The following SIPA1L1 variants were observed in gnomAD, a reference collection of about 807,000 sequenced individuals.
SIPA1L1 encodes signal-induced proliferation-associated 1-like protein 1.
Under a neutral mutation model 162.7 loss-of-function variants are expected in SIPA1L1, and 26 were observed. That is an observed-to-expected ratio of 0.16 (90% CI 0.12 to 0.22). The LOEUF (loss-of-function observed/expected upper bound fraction) is 0.22, where lower values mean the gene tolerates loss of function less well. Ranked by LOEUF, SIPA1L1 falls within the 10% of genes least tolerant of loss-of-function variation. The pLI, the probability that SIPA1L1 is intolerant of heterozygous loss-of-function variation, is 1.00. For synonymous variants in SIPA1L1, 829 were observed against 837.4 expected, an observed-to-expected ratio of 0.99 and a Z score of 0.17; for missense variants, 1,874 against 2,241.0, an observed-to-expected ratio of 0.84 and a Z score of 3.31.
intron 2 of SIPA1L1, among the ~76,000 whole-genome samples, chr14:71,450,840 A>G (rs1382489612): frequency 3.3e-5 from 5 of 152,220 alleles, no homozygotes; most frequent in Non-Finnish European, 5.9e-5. Context: ...GCAAAACAAT[A>G]TGGAGGTTCC....
intron 4 of SIPA1L1, among the ~76,000 whole-genome samples, chr14:71,544,688 A>T (rs986231909): frequency 6.6e-6 from 1 of 152,036 alleles, no homozygotes; most frequent in Non-Finnish European, 1.5e-5. Flanking sequence ...TCCTGTTTCT[A>T]TCTAGTACCA....
At chr14:71,510,201 T>TG (rs2051020238) in intron 2 of SIPA1L1, among the ~76,000 whole-genome samples, 2 of 147,470 alleles carry the variant, frequency 1.4e-5, no homozygotes, top group African/African-American at 5.0e-5. Flanking sequence ...TTTTTTTTTT[T>TG]GTGAGATGGA....
At chr14:71,702,610 A>G (rs1291493585) in intron 15 of SIPA1L1, 105 bp downstream of exon 15, 1 of 959,724 alleles carries the variant, frequency 1.0e-6, no homozygotes, top group Non-Finnish European at 1.5e-6. Flanking sequence ...GCCCTAGTTA[A>G]TAAATATGAA....
intron 2 of SIPA1L1, among the ~76,000 whole-genome samples, chr14:71,365,362 C>G (rs1259996222): frequency 1.3e-5 from 2 of 152,066 alleles, no homozygotes; most frequent in Non-Finnish European, 2.9e-5. Context: ...TGCTGTGCCC[C>G]ACTGTCGATA....
At chr14:71,469,982 G>A (rs1288592795) in intron 2 of SIPA1L1, among the ~76,000 whole-genome samples, 1 of 152,218 alleles carries the variant, frequency 6.6e-6, no homozygotes, top group Admixed American at 6.5e-5. Flanking sequence ...TGGGGCAGCA[G>A]CATTAGTTCG....
intron 5 of SIPA1L1, among the ~76,000 whole-genome samples, chr14:71,597,005 A>G (rs975013302): frequency 6.6e-6 from 1 of 151,962 alleles, no homozygotes; most frequent in African/African-American, 2.4e-5. Context: ...AGGGTCTTCC[A>G]CTGTCACAGG....
intron 2 of SIPA1L1, among the ~76,000 whole-genome samples, chr14:71,375,233 T>G (rs1300649542): frequency 6.6e-6 from 1 of 152,142 alleles, no homozygotes; most frequent in African/African-American, 2.4e-5. Flanking sequence ...GGGGATTCTC[T>G]TGGGCTTTTT....
intron 2 of SIPA1L1, among the ~76,000 whole-genome samples, chr14:71,433,095 C>G (rs1192628720): frequency 6.6e-6 from 1 of 152,106 alleles, no homozygotes; most frequent in Non-Finnish European, 1.5e-5. Context: ...TTACAGAGAT[C>G]AGGTGGTTTG....
intron 7 of SIPA1L1, among the ~76,000 whole-genome samples, chr14:71,645,334 T>TA (rs1312395144): frequency 1.3e-5 from 2 of 152,342 alleles, no homozygotes; most frequent in Non-Finnish European, 2.9e-5. Flanking sequence ...ATGCTCCCCT[T>TA]TACCATTAAC....
chr14:71,536,993 A>T (rs1160706144), intron 4 of SIPA1L1, among the ~76,000 whole-genome samples: 1 of 152,140 alleles, frequency 6.6e-6, no homozygotes, highest in Non-Finnish European at 1.5e-5. Context: ...CATATGCAAT[A>T]GTTCTGAACT....
intron 2 of SIPA1L1, chr14:71,503,775 A>G (rs1324899400): frequency 6.6e-6 from 1 of 151,980 alleles, no homozygotes; most frequent in Non-Finnish European, 1.5e-5. Context: ...AGTGATAGTT[A>G]CTTATCTAGT....
intron 4 of SIPA1L1, among the ~76,000 whole-genome samples, chr14:71,541,605 A>G (rs1595986987): frequency 3.9e-5 from 6 of 152,234 alleles, no homozygotes; most frequent in Admixed American, 3.9e-4. Flanking sequence ...CTACATAAAT[A>G]AGAATTAAAA....
chr14:71,451,697 T>C (rs189046150), intron 2 of SIPA1L1, among the ~76,000 whole-genome samples: 4 of 151,352 alleles, frequency 2.6e-5, no homozygotes, highest in Admixed American at 2.0e-4. Context: ...TTAATGACTG[T>C]GTACTACATT....
intron 2 of SIPA1L1, among the ~76,000 whole-genome samples, chr14:71,504,491 C>T (rs564231819): frequency 2.6e-5 from 4 of 151,842 alleles, no homozygotes; most frequent in Non-Finnish European, 4.4e-5. Flanking sequence ...TATAGTAACA[C>T]GTGAGGGAAG....
chr14:71,715,725 A>T (rs2083219297), intron 17 of SIPA1L1, among the ~76,000 whole-genome samples: 2 of 152,178 alleles, frequency 1.3e-5, no homozygotes, highest in Non-Finnish European at 2.9e-5. Context: ...ACAATTTTCT[A>T]GTGACTTTTC....
At chr14:71,663,834 G>T (rs912280234) in intron 10 of SIPA1L1, among the ~76,000 whole-genome samples, 4 of 152,176 alleles carry the variant, frequency 2.6e-5, no homozygotes, top group African/African-American at 4.8e-5. Context: ...TAGTTACCAG[G>T]CTTGTTTGAA....
chr14:71,450,440 G>A (rs781252680), intron 2 of SIPA1L1, among the ~76,000 whole-genome samples: 10 of 152,146 alleles, frequency 6.6e-5, no homozygotes, highest in Non-Finnish European at 1.3e-4. Flanking sequence ...ATTCTGGGTA[G>A]CCAAACTTTC....
intron 13 of SIPA1L1, among the ~76,000 whole-genome samples, chr14:71,698,645 G>C (rs1264562277): frequency 6.6e-6 from 1 of 152,174 alleles, no homozygotes; most frequent in Non-Finnish European, 1.5e-5. Flanking sequence ...TGTCACTTGG[G>C]TTCAATTATC....
intron 2 of SIPA1L1, among the ~76,000 whole-genome samples, chr14:71,487,985 A>G (rs1337216582): frequency 6.6e-6 from 1 of 152,214 alleles, no homozygotes; most frequent in Non-Finnish European, 1.5e-5. Flanking sequence ...CCCCATCCTC[A>G]GTGTGTAGGT....
Sources: allele counts gnomAD v4.1 joint callset (sites outside exome capture counted in the v4.1 genomes callset), GRCh38; gene constraint gnomAD v4.1.1; transcripts MANE v1.5; gene names NCBI Gene and HGNC (gene_info 2026-07-23, HGNC 2026-07-21).